Variants in CFAP92 observed in about 807,000 individuals in gnomAD.
CFAP92 encodes cilia and flagella associated protein 92 (putative).
Under a neutral mutation model 106.3 loss-of-function variants are expected in CFAP92, and 86 were observed. The ratio of observed to expected loss-of-function variants is 0.81; its 90% CI spans 0.68 to 0.97. The LOEUF is 0.97. Among genes scored for constraint, CFAP92 ranks in the 50% least tolerant of loss-of-function variants. CFAP92 has a pLI of 0.00. For missense variants in CFAP92, 1,204 were observed against 1,283.8 expected (o/e 0.94, Z 0.95); for synonymous variants, 477 against 506.4 (o/e 0.94, Z 0.78).
intron 9 of CFAP92, among the ~76,000 whole-genome samples, chr3:128,960,039 G>A (rs1941761302): frequency 6.6e-6 from 1 of 151,948 alleles, no homozygotes; most frequent in Admixed American, 6.6e-5. Context: ...CCCCACTCTT[G>A]AGAATGTATT....
rs923683612 is a variant in CFAP92 at position 128,945,444 on chromosome 3, C to T, written c.1885G>A (p.Asp629Asn). The T allele has an allele frequency of 6.5e-7, 1 of 1,536,164 alleles. No homozygotes were observed. Among genetic ancestry groups the T allele is most frequent in the Non-Finnish European group, 8.7e-7 (1 of 1,146,916 alleles). Residue 629 changes from aspartate to asparagine, a missense_variant, in exon 10 of 16, where the codon GAC becomes AAC. By Grantham distance (23) the Asp-to-Asn change is conservative. Coordinates refer to ENST00000645291, the MANE Select transcript of CFAP92 (RefSeq NM_001394090.1). ...TCCACTCGCAACTTGAGCTGGGAGT[C>T]AGCCTCTAGGTAGTTGCCCCTGGGC... Reference protein sequence around the residue: ...PMPRGNYLEADSQLKLRVDIA... With the variant: ...PMPRGNYLEANSQLKLRVDIA...
Position 128,982,975 on chromosome 3 carries a change from G to A in CFAP92, c.667+4641C>T, listed in dbSNP as rs1379424706. On this transcript the variant is annotated intron_variant, in intron 4 of 15. Coordinates refer to ENST00000645291, the MANE Select transcript of CFAP92 (RefSeq NM_001394090.1). ...CAGATATAATAAGTGTGAAAAATCC[G>A]AGAATTATCAAAATGTGACAGAGAC... Among the ~76,000 whole-genome samples, 5 of 152,278 alleles carry A rather than the reference G, an allele frequency of 3.3e-5. No individual in the cohort carries two copies. In the South Asian group the frequency reaches 6.2e-4, roughly 19 times the overall value.
chr3:128,945,636 T>C lies in CFAP92; in HGVS notation c.1693A>G (p.Ile565Val). The change falls in exon 10 of 16, where the codon ATC becomes GTC. Residue 565 changes from isoleucine (I) to valine (V), a missense_variant. Coordinates refer to ENST00000645291, the MANE Select transcript of CFAP92 (RefSeq NM_001394090.1). ...SQNKMWYPYG[I>V]AQVSFADLLL... is the part of the protein sequence containing the mutation. ...AGGTCAGCAAAACTGACCTGGGCGATGCCATAAGGGTACCACATCTTGTTC... is the reference window on the plus strand; with the variant it reads ...AGGTCAGCAAAACTGACCTGGGCGACGCCATAAGGGTACCACATCTTGTTC... The C allele has an allele frequency of 1.3e-6, 2 of 1,536,120 alleles. No individual in the cohort carries two copies. The highest frequency in any genetic ancestry group is 1.7e-6 in the Non-Finnish European group (2 of 1,146,930).
chr3:129,023,554 G>A, the CFAP92 span, among the ~76,000 whole-genome samples: 2 of 152,012 alleles, frequency 1.3e-5, no homozygotes, highest in African/African-American at 2.4e-5. Context: ...GGATGGTCTC[G>A]ACCTCCTGAC....
chr3:128,912,613 G>A (rs1375497042), intron 15 of CFAP92: 1 of 1,613,204 alleles, frequency 6.2e-7, no homozygotes, highest in South Asian at 1.1e-5. Flanking sequence ...GCTGAGGCAG[G>A]GGACAGTGTC....
Position 128,915,162 on chromosome 3 carries a change from A to C in CFAP92, c.3237T>G (p.Pro1079=). ...VDFDLYKKPP[P]FLELLPSPAP... ...CGGGCGAAGGGAGCAGCTCGAGGAA[A>C]GGTGGTGGTTTCTTGTACAGATCAA... The change falls in exon 15 of 16, where the codon CCT becomes CCG. Residue 1079 remains proline (P), a synonymous_variant. Transcript: ENST00000645291. 1 of 1,536,170 alleles carries C rather than the reference A, an allele frequency of 6.5e-7. No individual in the cohort carries two copies. The highest frequency in any genetic ancestry group is 8.7e-7 in the Non-Finnish European group (1 of 1,146,926).
At chr3:128,943,920 G>GT (rs768570835) in intron 10 of CFAP92, among the ~76,000 whole-genome samples, 8,814 of 109,806 alleles carry the variant, frequency 0.08, 493 homozygotes, top group African/African-American at 0.14. Flanking sequence ...TATTTCCCCC[G>GT]TTTTTTTTTT....
At chr3:129,004,716 T>C (rs540606475), upstream of CFAP92, among the ~76,000 whole-genome samples, 1 of 152,258 alleles carries the variant, frequency 6.6e-6, no homozygotes, top group East Asian at 1.9e-4. Flanking sequence ...CTAAGTACTT[T>C]ATGTGGCTTA....
chr3:128,925,111 A>G (rs767118635), intron 12 of CFAP92, among the ~76,000 whole-genome samples: 3 of 152,224 alleles, frequency 2.0e-5, no homozygotes, highest in Non-Finnish European at 2.9e-5. Flanking sequence ...TGATTTAGCA[A>G]AATAGCAGTT....
intron 4 of CFAP92, among the ~76,000 whole-genome samples, chr3:128,979,291 A>C (rs1314029365): frequency 6.6e-6 from 1 of 152,182 alleles, no homozygotes; most frequent in African/African-American, 2.4e-5. Flanking sequence ...AAAAGTCAGG[A>C]AACAACAGGT....
At chr3:128,937,559 G>T (rs1449385686) in intron 10 of CFAP92, among the ~76,000 whole-genome samples, 1 of 151,378 alleles carries the variant, frequency 6.6e-6, no homozygotes, top group East Asian at 1.9e-4. Context: ...AGCTGAGATC[G>T]CACCACAGCA....
intron 1 of CFAP92, chr3:129,001,664 G>C (rs1303434393): frequency 7.0e-7 from 1 of 1,418,952 alleles, no homozygotes; most frequent in South Asian, 1.5e-5. Context: ...AGGCCGGCAT[G>C]GAGGGCGCGG....
intron 4 of CFAP92, among the ~76,000 whole-genome samples, chr3:128,983,544 C>A (rs1264519219): frequency 6.6e-6 from 1 of 152,052 alleles, no homozygotes; most frequent in Non-Finnish European, 1.5e-5. Context: ...CTCGCATGCA[C>A]ATGGCAGCCA....
intron 15 of CFAP92, among the ~76,000 whole-genome samples, chr3:128,913,722 G>C (rs1936585057): frequency 6.6e-6 from 1 of 152,172 alleles, no homozygotes; most frequent in Admixed American, 6.5e-5. Flanking sequence ...CAGGGGTTTG[G>C]TAACTAGTTT....
intron 12 of CFAP92, among the ~76,000 whole-genome samples, chr3:128,920,296 A>G (rs1476918218): frequency 6.6e-6 from 1 of 152,214 alleles, no homozygotes; most frequent in Non-Finnish European, 1.5e-5. Flanking sequence ...TCAGCTATTC[A>G]GAAGGCTGAG....
At chr3:129,025,614 A>T in the CFAP92 span, among the ~76,000 whole-genome samples, 3 of 152,000 alleles carry the variant, frequency 2.0e-5, no homozygotes, top group Non-Finnish European at 2.9e-5. Flanking sequence ...TGTTTTGTGT[A>T]TTTGCTTGTT....
chr3:128,929,313 G>A (rs1387541840), intron 12 of CFAP92, among the ~76,000 whole-genome samples: 1 of 152,156 alleles, frequency 6.6e-6, no homozygotes, highest in Non-Finnish European at 1.5e-5. Flanking sequence ...ATTGCTGGTA[G>A]GGATGTTAAG....
intron 4 of CFAP92, chr3:128,978,418 T>G: frequency 1.1e-5 from 4 of 347,912 alleles, no homozygotes; most frequent in South Asian, 5.8e-5. Flanking sequence ...AAAATGTACA[T>G]ACCTAAGTTT....
chr3:128,911,342 G>A (rs62265269), intron 15 of CFAP92, among the ~76,000 whole-genome samples: 7,252 of 152,176 alleles, frequency 0.048, 354 homozygotes, highest in African/African-American at 0.12. Context: ...ACAGGCATGA[G>A]CCACCGCACC....
Sources: gnomAD v4.1 joint callset for allele counts (sites outside exome capture counted in the v4.1 genomes callset) on GRCh38, gnomAD v4.1.1 for gene constraint, MANE v1.5 for transcripts, NCBI Gene and HGNC (gene_info 2026-07-23, HGNC 2026-07-21) for gene names.